NAV3: variants seen among roughly 807,000 people sequenced by gnomAD.
The protein encoded by NAV3 is pore membrane and/or filament interacting like protein 1.
In NAV3, 87 loss-of-function variants were observed where a neutral mutation model predicts 244.7. That is an observed-to-expected ratio of 0.36 (90% CI 0.30 to 0.42). NAV3 has a LOEUF of 0.42. Ranked by LOEUF, NAV3 falls within the 20% of genes least tolerant of loss-of-function variation. The pLI is 1.00. For synonymous variants in NAV3, 1,126 were observed against 1,042.2 expected, an observed-to-expected ratio of 1.08 and a Z score of -1.55; for missense variants, 2,663 against 2,893.3, an observed-to-expected ratio of 0.92 and a Z score of 1.83.
At chr12:77,958,695 T>G (rs1891595958) in intron 3 of NAV3, among the ~76,000 whole-genome samples, 1 of 152,180 alleles carries the variant, frequency 6.6e-6, no homozygotes, top group South Asian at 2.1e-4. Flanking sequence ...TTTCATTTTA[T>G]TTTCATTACA....
At chr12:77,691,482 C>T (rs1875029171) in intron 2 of NAV3, among the ~76,000 whole-genome samples, 1 of 149,844 alleles carries the variant, frequency 6.7e-6, no homozygotes, top group African/African-American at 2.4e-5. Flanking sequence ...TGACTTTTTT[C>T]CTTGCCATTT....
At chr12:77,926,374 A>T (rs976291788) in intron 1 of NAV3, among the ~76,000 whole-genome samples, 1 of 152,156 alleles carries the variant, frequency 6.6e-6, no homozygotes, top group Non-Finnish European at 1.5e-5. Flanking sequence ...TACCTTATGC[A>T]TCTTACCTTC....
At chr12:77,908,560 G>GT (rs1886246177) in intron 1 of NAV3, among the ~76,000 whole-genome samples, 1 of 151,998 alleles carries the variant, frequency 6.6e-6, no homozygotes, top group Non-Finnish European at 1.5e-5. Context: ...CCAGTGTCTA[G>GT]TTTTTTATGA....
intron 12 of NAV3, among the ~76,000 whole-genome samples, chr12:78,067,642 A>G (rs1465849956): frequency 6.6e-6 from 1 of 152,050 alleles, no homozygotes; most frequent in African/African-American, 2.4e-5. Flanking sequence ...TGGGCTTTTT[A>G]TTCAAGAGTC....
intron 1 of NAV3, among the ~76,000 whole-genome samples, chr12:77,881,579 G>C (rs1260193972): frequency 2.0e-5 from 3 of 152,130 alleles, no homozygotes; most frequent in African/African-American, 7.2e-5. Context: ...GTCCTAGTCA[G>C]AGCAATTAGT....
intron 12 of NAV3, among the ~76,000 whole-genome samples, chr12:78,070,974 C>T (rs1012175254): frequency 6.8e-6 from 1 of 146,308 alleles, no homozygotes; most frequent in African/African-American, 2.5e-5. Flanking sequence ...TGGGTTGGTT[C>T]CAAGTCTTTG....
chr12:77,822,921 G>A (rs1051087052), intron 2 of NAV3, among the ~76,000 whole-genome samples: 3 of 152,132 alleles, frequency 2.0e-5, no homozygotes, highest in South Asian at 2.1e-4. Flanking sequence ...TTAATAATTT[G>A]ACTCTTTACT....
rs774633011 is a variant in NAV3 at position 78,198,567 on chromosome 12, CT to C, written c.6447-37del. 5.8e-6 allele frequency: 7 copies of C among 1,216,970 alleles called. No individual in the cohort carries two copies. The South Asian group carries it at 9.3e-5, about 16-fold the overall frequency. 75.4% of individuals were successfully genotyped at this position (1,216,970 alleles called of 1,614,324 possible). A position where few individuals can be genotyped will look rare whatever the true frequency, so the allele number is the denominator to read the frequency against. ...ATTTTAATGAATTAATCACTTTTAC[CT>C]CCAGTAAATTAAAATTTTCTATTTA... is the stretch of plus-strand genomic sequence containing the variant. On this transcript the variant is annotated intron_variant, in intron 35 of 39. Transcript: ENST00000397909.
chr12:78,078,684 C>T (rs71462124), intron 12 of NAV3, among the ~76,000 whole-genome samples: 18,549 of 151,876 alleles, frequency 0.12, 1,188 homozygotes, highest in Non-Finnish European at 0.15. Flanking sequence ...CGTGAGCCAC[C>T]GCGCCCGGCC....
chr12:77,959,536 A>G (rs796152808), intron 3 of NAV3, among the ~76,000 whole-genome samples: 10 of 152,194 alleles, frequency 6.6e-5, no homozygotes, highest in African/African-American at 2.2e-4. Flanking sequence ...TACTATGTAC[A>G]TTGTATTGTG....
intron 2 of NAV3, among the ~76,000 whole-genome samples, chr12:77,617,908 GT>G: frequency 6.6e-6 from 1 of 152,296 alleles, no homozygotes; most frequent in Admixed American, 6.5e-5. Flanking sequence ...CTACAGAGCA[GT>G]TAAGGGAAAC....
At position 77,976,674 on chromosome 12, in the gene NAV3, CT is replaced by C. The variant is rs869041498; in HGVS notation, c.671+7990del. Among the ~76,000 whole-genome samples the C allele has an allele frequency of 6.8e-3, 565 of 83,396 alleles. 4 individuals carry two copies. The highest frequency in any genetic ancestry group is 0.023 in the African/African-American group (541 of 23,836). The allele number at this position is 83,396 out of a possible 152,430, so 54.7% of individuals were successfully genotyped here. ...TCTTTCTTTCTTTCTTTCTTTTTTT[CT>C]TTTTTTTTTTTTTTTTTGAGACGGA... On this transcript the variant is annotated intron_variant, in intron 5 of 39. Transcript: ENST00000397909.
At chr12:77,762,517 C>T (rs899633881) in intron 2 of NAV3, among the ~76,000 whole-genome samples, 4 of 151,924 alleles carry the variant, frequency 2.6e-5, no homozygotes, top group Non-Finnish European at 2.9e-5. Context: ...GCAGGGGAAT[C>T]GCTTGAACCC....
intron 5 of NAV3, among the ~76,000 whole-genome samples, chr12:77,988,651 A>G (rs1870947891): frequency 6.6e-6 from 1 of 152,150 alleles, no homozygotes; most frequent in South Asian, 2.1e-4. Context: ...TCTTTTGCCC[A>G]CCATAAACAG....
At chr12:77,652,098 A>C (rs56408276) in intron 2 of NAV3, among the ~76,000 whole-genome samples, 18 of 152,330 alleles carry the variant, frequency 1.2e-4, no homozygotes, top group African/African-American at 3.6e-4. Flanking sequence ...TACCTATAAA[A>C]TTGTAATACT....
rs760153835 is a variant in NAV3, at chr12:78,119,487, A to C, written c.3291A>C (p.Pro1097=). The C allele has an allele frequency of 1.2e-6, 2 of 1,614,208 alleles. No homozygotes were observed. Among genetic ancestry groups the C allele is most frequent in the East Asian group, 4.5e-5 (2 of 44,882 alleles). ...GCTCTGCAACACTGGGTAAAATTCC[A>C]AAATCTGCTGCCATTGGCGGGAAGT... The part of the protein sequence containing the change: ...TSGSATLGKI[P]KSAAIGGKSN... The change falls in exon 15 of 40, where the codon CCA becomes CCC. Residue 1097 remains proline (P), a synonymous_variant. Transcript: ENST00000397909.
At position 78,118,078 on chromosome 12, in the gene NAV3, C is replaced by G. The variant is rs2138564593; in HGVS notation, c.2821C>G (p.Pro941Ala). The G allele has an allele frequency of 6.2e-7, 1 of 1,613,878 alleles. No homozygotes were observed. The part of the protein sequence containing the change: ...RSTTDETWDS[P>A]EELKKPEEDF... ...CACCACAGACGAGACCTGGGATAGT[C>G]CTGAGGAACTGAAAAAACCAGAAGA... Residue 941 changes from proline to alanine, a missense_variant, in exon 14 of 40, where the codon CCT becomes GCT. This residue lies in a region of NAV3 where 1,521 missense variants were observed against 1,497.0 expected (regional missense o/e 1.02). Coordinates refer to ENST00000397909, the MANE Select transcript of NAV3 (RefSeq NM_001024383.2).
chr12:78,006,612 C>T lies in NAV3; in HGVS notation c.1074C>T (p.Ser358=), dbSNP rs1874266001. 4.3e-6 allele frequency: 7 copies of T among 1,614,092 alleles called. No individual in the cohort carries two copies. The East Asian group carries it at 1.6e-4, about 36-fold the overall frequency. ...LTVKQSSTAT[S]PTPSSDRLKP... The stretch of plus-strand genomic sequence containing the variant: ...TAAAGCAGTCAAGTACAGCCACCTC[C>T]CCCACACCATCTTCAGACAGACTGA... The change falls in exon 8 of 40, where the codon TCC becomes TCT. Residue 358 remains serine (S), a synonymous_variant. Coordinates refer to ENST00000397909, the MANE Select transcript of NAV3 (RefSeq NM_001024383.2).
chr12:78,031,482 A>G (rs1878974337), intron 9 of NAV3, among the ~76,000 whole-genome samples: 1 of 152,086 alleles, frequency 6.6e-6, no homozygotes, highest in Non-Finnish European at 1.5e-5. Context: ...AATAAGACTC[A>G]ATCTCAGGAC....
Sources: gnomAD v4.1 joint callset for allele counts (sites outside exome capture counted in the v4.1 genomes callset) on GRCh38, gnomAD v4.1.1 for gene constraint, gnomAD v4.1.1 regional missense constraint, MANE v1.5 for transcripts, NCBI Gene and HGNC (gene_info 2026-07-23, HGNC 2026-07-21) for gene names.